PTBP3: variants seen among roughly 807,000 people sequenced by gnomAD.
PTBP3 encodes polypyrimidine tract binding protein 3, also known as polypyrimidine tract-binding protein 3.
A neutral mutation model predicts 58.7 loss-of-function variants in PTBP3; 20 were observed. That is an observed-to-expected ratio of 0.34 (90% CI 0.24 to 0.50). The LOEUF is 0.50. PTBP3 is among the 20% of genes least tolerant of loss of function. The probability of loss-of-function intolerance (pLI) is 0.98; values close to 1 mark genes in which losing one functional copy is unlikely to be tolerated. For missense variants in PTBP3, 509 were observed against 637.2 expected (o/e 0.80, Z 2.17); for synonymous variants, 185 against 219.8 (o/e 0.84, Z 1.40).
chr9:112,337,057 G>A (rs768747097), upstream of PTBP3, among the ~76,000 whole-genome samples: 1 of 152,148 alleles, frequency 6.6e-6, no homozygotes, highest in Non-Finnish European at 1.5e-5. Flanking sequence ...GGAATCAGAG[G>A]CTTGCTCTCT....
chr9:112,316,067 T>A (rs79551983), intron 1 of PTBP3, among the ~76,000 whole-genome samples: 2 of 152,228 alleles, frequency 1.3e-5, no homozygotes, highest in East Asian at 1.9e-4. Flanking sequence ...GTAACTCTCA[T>A]ACATTAATAG....
chr9:112,310,258 C>G (rs1281016692), intron 1 of PTBP3, among the ~76,000 whole-genome samples: 1 of 152,162 alleles, frequency 6.6e-6, no homozygotes, highest in East Asian at 1.9e-4. Flanking sequence ...GACACAGTTT[C>G]AATAAAATGA....
the PTBP3 span, among the ~76,000 whole-genome samples, chr9:112,341,801 A>G: frequency 1.3e-5 from 2 of 152,240 alleles, no homozygotes; most frequent in Non-Finnish European, 2.9e-5. Flanking sequence ...GAAACTTCAC[A>G]AAATTCTTTA....
chr9:112,247,638 G>A (rs1435292820), intron 7 of PTBP3, among the ~76,000 whole-genome samples: 1 of 152,020 alleles, frequency 6.6e-6, no homozygotes. Flanking sequence ...GATCGCTTGA[G>A]CCCAAGGTCA....
rs146999681 is a variant in PTBP3 at position 112,277,946 on chromosome 9, TATAACATAACATAAC to T, written c.35-1948_35-1934del. On this transcript the variant is annotated intron_variant, in intron 2 of 13. Coordinates refer to ENST00000374257, the MANE Select transcript of PTBP3 (RefSeq NM_001163788.4). ...CATAACATAACATAACATAACATAATATAACATAACATAACATAACATAACATAACATAATGTATA... is the reference window on the plus strand; with the variant it reads ...CATAACATAACATAACATAACATAATATAACATAACATAACATAATGTATA... Among the ~76,000 whole-genome samples, 38 of 58,204 alleles carry T rather than the reference TATAACATAACATAAC, an allele frequency of 6.5e-4. 1 individual carries two copies. The highest frequency in any genetic ancestry group is 1.3e-3 in the East Asian group (3 of 2,298). The allele number at this position is 58,204 out of a possible 152,430, so 38.2% of individuals were successfully genotyped here. A position where few individuals can be genotyped will look rare whatever the true frequency, so the allele number is the denominator to read the frequency against.
At chr9:112,320,308 ATATATAT>A (rs1161652531) in intron 1 of PTBP3, among the ~76,000 whole-genome samples, 1 of 52,570 alleles carries the variant, frequency 1.9e-5, no homozygotes, top group African/African-American at 1.4e-4. Flanking sequence ...ATATATATAT[ATATATAT>A]TTTTTTTTAA....
chr9:112,302,969 T>A lies in PTBP3; in HGVS notation c.-51-5053A>T, dbSNP rs10981349. ...AAGTAAGTTACTCATGTTTTTTTTC[T>A]ATTTTTTTCTCATTCGATAAACTGT... On this transcript the variant is annotated intron_variant, in intron 1 of 13. Transcript: ENST00000374257. Among the ~76,000 whole-genome samples the A allele has an allele frequency of 7.8e-3, 1,187 of 152,318 alleles. 12 individuals carry two copies. The highest frequency in any genetic ancestry group is 0.034 in the Middle Eastern group (10 of 294).
chr9:112,263,273 C>G (rs1395904002), intron 4 of PTBP3, among the ~76,000 whole-genome samples: 1 of 152,068 alleles, frequency 6.6e-6, no homozygotes, highest in South Asian at 2.1e-4. Context: ...TAGTCCATAC[C>G]GATATAAATC....
intron 1 of PTBP3, among the ~76,000 whole-genome samples, chr9:112,320,267 G>C (rs1354253266): frequency 3.8e-5 from 3 of 77,978 alleles, no homozygotes; most frequent in African/African-American, 2.1e-4. Context: ...AACAGGACGA[G>C]ACCCTTTCTC....
At chr9:112,274,143 CAACA>C (rs371043974) in intron 3 of PTBP3, among the ~76,000 whole-genome samples, 6 of 152,268 alleles carry the variant, frequency 3.9e-5, no homozygotes, top group African/African-American at 1.4e-4. Flanking sequence ...TGTGGAAATA[CAACA>C]AGGGCCAAAT....
chr9:112,257,504 G>A lies in PTBP3; in HGVS notation c.517-4716C>T, dbSNP rs138567386. On this transcript the variant is annotated intron_variant, in intron 5 of 13. Transcript: ENST00000374257. ...ATACTCAACTCTATATACCTCCTGT[G>A]TATTTTAATATTTTCAGACTGTAAC... 3.1e-3 allele frequency among the ~76,000 whole-genome samples: 472 copies of A among 152,162 alleles called. 2 individuals carry two copies. The highest frequency in any genetic ancestry group is 4.8e-3 in the Non-Finnish European group (325 of 67,994).
At chr9:112,238,969 A>C (rs547828910) in intron 7 of PTBP3, among the ~76,000 whole-genome samples, 2 of 152,202 alleles carry the variant, frequency 1.3e-5, no homozygotes, top group East Asian at 3.8e-4. Context: ...GCAAGAAGGA[A>C]TGAAAAGCCT....
intron 1 of PTBP3, among the ~76,000 whole-genome samples, chr9:112,303,498 T>C (rs560924652): frequency 6.6e-6 from 1 of 152,342 alleles, no homozygotes; most frequent in South Asian, 2.1e-4. Context: ...CCAGAGCCTA[T>C]AGCAGAGTAT....
At chr9:112,277,430 A>G (rs566712456) in intron 2 of PTBP3, among the ~76,000 whole-genome samples, 1 of 152,166 alleles carries the variant, frequency 6.6e-6, no homozygotes, top group African/African-American at 2.4e-5. Flanking sequence ...TACTGATTAT[A>G]TTCTTTCATT....
At chr9:112,327,053 T>C (rs1032715405) in intron 1 of PTBP3, among the ~76,000 whole-genome samples, 32 of 151,642 alleles carry the variant, frequency 2.1e-4, no homozygotes, top group Non-Finnish European at 4.1e-4. Flanking sequence ...CCTTCGTCTC[T>C]ACAAAAAAAC....
At chr9:112,244,289 C>CCAAAAAAAAAA (rs569972379) in intron 7 of PTBP3, among the ~76,000 whole-genome samples, 10 of 36,320 alleles carry the variant, frequency 2.8e-4, no homozygotes, top group African/African-American at 9.5e-4. Context: ...GACTCTGTCT[C>CCAAAAAAAAAA]AAAAAAAAAA....
At chr9:112,231,296 A>G in intron 10 of PTBP3, 84 bp downstream of exon 10, 2 of 1,122,916 alleles carry the variant, frequency 1.8e-6, no homozygotes, top group Non-Finnish European at 2.5e-6. Context: ...GGCACACAGA[A>G]GTAATCAATA....
chr9:112,311,055 A>G (rs1829453413), intron 1 of PTBP3, among the ~76,000 whole-genome samples: 1 of 152,172 alleles, frequency 6.6e-6, no homozygotes, highest in Non-Finnish European at 1.5e-5. Context: ...GAAAAGATCA[A>G]TTTGCTTTTT....
chr9:112,249,132 T>C (rs1836001510), intron 7 of PTBP3, among the ~76,000 whole-genome samples: 1 of 152,002 alleles, frequency 6.6e-6, no homozygotes, highest in Non-Finnish European at 1.5e-5. Context: ...TAATGAGTGG[T>C]AAAAAAACAA....
Sources: allele counts gnomAD v4.1 joint callset (sites outside exome capture counted in the v4.1 genomes callset), GRCh38; gene constraint gnomAD v4.1.1; transcripts MANE v1.5; gene names NCBI Gene and HGNC (gene_info 2026-07-23, HGNC 2026-07-21).